Variants in PHKB observed in about 807,000 individuals in gnomAD.
PHKB encodes phosphorylase kinase regulatory subunit beta, also known as phosphorylase b kinase regulatory subunit beta.
In PHKB, 122 loss-of-function variants were observed where a neutral mutation model predicts 152.1. That is an observed-to-expected ratio of 0.80 (90% CI 0.69 to 0.93). PHKB has a LOEUF of 0.93. Ranked by LOEUF, PHKB falls within the 40% of genes least tolerant of loss-of-function variation. The pLI is 0.00. For synonymous variants in PHKB, 436 were observed against 464.9 expected, an observed-to-expected ratio of 0.94 and a Z score of 0.80; for missense variants, 1,304 against 1,328.4, an observed-to-expected ratio of 0.98 and a Z score of 0.29.
chr16:47,577,760 C>A (rs914920927), intron 7 of PHKB, among the ~76,000 whole-genome samples: 1 of 152,128 alleles, frequency 6.6e-6, no homozygotes, highest in African/African-American at 2.4e-5. Flanking sequence ...AATGTGTTAT[C>A]TCTGGCTACT....
chr16:47,486,220 G>T (rs1567275274), intron 1 of PHKB, among the ~76,000 whole-genome samples: 1 of 152,080 alleles, frequency 6.6e-6, no homozygotes, highest in Admixed American at 6.5e-5. Context: ...AACTGCTGTG[G>T]GAATTAAAGA....
At position 47,663,688 on chromosome 16, in the gene PHKB, G is replaced by T; in HGVS notation, c.2290G>T (p.Asp764Tyr). Reference sequence around the variant, plus strand: ...TATCCAATGTCTAGGTACCGTTTCTGATCACATTGAGAGAGTCTATAGAAG... The same window carrying T: ...TATCCAATGTCTAGGTACCGTTTCTTATCACATTGAGAGAGTCTATAGAAG... ...NFITKEGTVS[D>Y]HIERVYRRAG... Residue 764 changes from aspartate (D) to tyrosine (Y), a missense_variant, in exon 24 of 31, where the codon GAT (aspartate) becomes TAT (tyrosine). By Grantham distance (160) the Asp-to-Tyr change is radical. Coordinates refer to ENST00000323584, the MANE Select transcript of PHKB (RefSeq NM_000293.3). The T allele has an allele frequency of 6.2e-7, 1 of 1,612,788 alleles. No homozygotes were observed. Among genetic ancestry groups the T allele is most frequent in the Non-Finnish European group, 8.5e-7 (1 of 1,178,944 alleles).
chr16:47,545,035 G>C (rs1400015045), intron 6 of PHKB, among the ~76,000 whole-genome samples: 1 of 152,104 alleles, frequency 6.6e-6, no homozygotes, highest in African/African-American at 2.4e-5. Flanking sequence ...GATGAGTCTT[G>C]ACTCTTTATC....
chr16:47,535,469 T>A lies in PHKB; in HGVS notation c.595-11964T>A, dbSNP rs987134219. 1.8e-4 allele frequency among the ~76,000 whole-genome samples: 27 copies of A among 152,206 alleles called. 1 individual carries two copies. The highest frequency in any genetic ancestry group is 1.7e-3 in the Admixed American group (26 of 15,288). On this transcript the variant is annotated intron_variant, in intron 6 of 30. Transcript: ENST00000323584. ...CAAATTATATTACCATAGATGTTTT[T>A]AGGAGCCTATCCCTCAGAATTGAGG...
rs190009628 is a variant in PHKB, at chr16:47,623,303, C to A, written c.1458+12383C>A. 7.6e-4 allele frequency among the ~76,000 whole-genome samples: 115 copies of A among 151,912 alleles called. 2 individuals are homozygous for A. Among genetic ancestry groups the A allele is most frequent in the African/African-American group, 2.6e-3 (106 of 41,466 alleles). On this transcript the variant is annotated intron_variant, in intron 14 of 30. Transcript: ENST00000323584. Reference sequence around the variant, plus strand: ...TCTCATTAAAGAGATGAGAAAAAATCCTAAAAAGTCTAGAGGAAAACATTA... The same window carrying A: ...TCTCATTAAAGAGATGAGAAAAAATACTAAAAAGTCTAGAGGAAAACATTA...
In PHKB at chr16:47,594,197, T is replaced by C; in HGVS notation, c.1187T>C (p.Leu396Pro). The C allele has an allele frequency of 6.4e-7, 1 of 1,554,358 alleles. No individual in the cohort carries two copies. Among genetic ancestry groups the C allele is most frequent in the Admixed American group, 1.7e-5 (1 of 59,860 alleles). ...QEYQDLLTPVLHHTTEGYPVV... is the reference protein window; with the variant it reads ...QEYQDLLTPVPHHTTEGYPVV... Reference sequence around the variant, plus strand: ...TATCAGGATCTTTTGACTCCAGTACTTCATCATACCACAGAAGGTATAGTT... The same window carrying C: ...TATCAGGATCTTTTGACTCCAGTACCTCATCATACCACAGAAGGTATAGTT... Residue 396 changes from leucine (L) to proline (P), a missense_variant, in exon 12 of 31, where the codon CTT (leucine) becomes CCT (proline). Physicochemically the swap from Leu to Pro is moderately conservative, Grantham distance 98. Transcript: ENST00000323584.
intron 6 of PHKB, among the ~76,000 whole-genome samples, chr16:47,538,862 G>A (rs1231616686): frequency 6.6e-6 from 1 of 152,064 alleles, no homozygotes; most frequent in Admixed American, 6.6e-5. Context: ...TCTCACCTTG[G>A]CTTTCTGTGT....
intron 7 of PHKB, among the ~76,000 whole-genome samples, chr16:47,548,902 T>C (rs185717100): frequency 6.6e-6 from 1 of 152,334 alleles, no homozygotes; most frequent in East Asian, 1.9e-4. Flanking sequence ...ATGTGTAGCA[T>C]AAGAACTAGA....
At chr16:47,604,575 A>G (rs1271833857) in intron 13 of PHKB, among the ~76,000 whole-genome samples, 1 of 152,210 alleles carries the variant, frequency 6.6e-6, no homozygotes, top group Admixed American at 6.5e-5. Flanking sequence ...TTTGAAGTAC[A>G]TAATTTTACC....
chr16:47,536,843 G>A (rs1970960343), intron 6 of PHKB, among the ~76,000 whole-genome samples: 1 of 152,196 alleles, frequency 6.6e-6, no homozygotes, highest in African/African-American at 2.4e-5. Context: ...ATTAAGAGCC[G>A]TGGTCTTGGC....
chr16:47,584,079 CT>C (rs1160965208), intron 8 of PHKB, among the ~76,000 whole-genome samples: 2 of 151,042 alleles, frequency 1.3e-5, no homozygotes, highest in East Asian at 3.9e-4. Context: ...CACTTTAAAT[CT>C]TTTTCTGAAA....
At chr16:47,625,501 A>G (rs983156431) in intron 14 of PHKB, among the ~76,000 whole-genome samples, 4 of 151,858 alleles carry the variant, frequency 2.6e-5, no homozygotes, top group African/African-American at 7.3e-5. Context: ...GTCTCCTCTT[A>G]GTTTCTCCAG....
At chr16:47,626,804 A>G (rs1244752817) in intron 14 of PHKB, among the ~76,000 whole-genome samples, 3 of 152,160 alleles carry the variant, frequency 2.0e-5, no homozygotes, top group Non-Finnish European at 4.4e-5. Context: ...AGCATATAAA[A>G]TAGTTGTGCT....
intron 18 of PHKB, among the ~76,000 whole-genome samples, chr16:47,649,835 G>A (rs992175350): frequency 1.3e-5 from 2 of 152,192 alleles, no homozygotes; most frequent in African/African-American, 4.8e-5. Flanking sequence ...ACTAAGAATA[G>A]TGCCTGGCAT....
chr16:47,698,535 G>T lies in PHKB; in HGVS notation c.3091G>T (p.Ala1031Ser). 1 of 1,580,280 alleles carries T rather than the reference G, an allele frequency of 6.3e-7. No individual in the cohort carries two copies. Among genetic ancestry groups the T allele is most frequent in the Non-Finnish European group, 8.6e-7 (1 of 1,159,852 alleles). ...AGATCTAGACAGACTGGTCAAAGAA[G>T]CATTTAATGAATTTCAAAAAGATCA... ...KVDLDRLVKE[A>S]FNEFQKDQSR... The change falls in exon 30 of 31, where the codon GCA becomes TCA. Residue 1031 changes from alanine to serine, a missense_variant. Ala to Ser is a moderately conservative substitution (Grantham distance 99, BLOSUM62 1). Transcript: ENST00000323584.
intron 14 of PHKB, among the ~76,000 whole-genome samples, chr16:47,625,464 C>G (rs1428691557): frequency 1.3e-5 from 2 of 152,136 alleles, no homozygotes; most frequent in African/African-American, 4.8e-5. Flanking sequence ...CACTCTTTTG[C>G]TTGCCTGTTA....
chr16:47,559,978 C>G (rs1473940258), intron 7 of PHKB, among the ~76,000 whole-genome samples: 2 of 152,160 alleles, frequency 1.3e-5, no homozygotes, highest in Non-Finnish European at 2.9e-5. Context: ...GCTAACAGTA[C>G]CATATGAATT....
intron 7 of PHKB, among the ~76,000 whole-genome samples, chr16:47,574,770 C>G (rs568368972): frequency 1.3e-5 from 2 of 152,188 alleles, no homozygotes; most frequent in Non-Finnish European, 2.9e-5. Flanking sequence ...AGGATCCTGA[C>G]ACCTCCCACC....
intron 27 of PHKB, 95 bp from the exon 28 acceptor site, chr16:47,693,283 T>C (rs1974093493): frequency 5.5e-6 from 7 of 1,279,214 alleles, no homozygotes; most frequent in Non-Finnish European, 6.8e-6. Context: ...CTTTTATTTC[T>C]TACCCTATCA....
Sources: gnomAD v4.1 joint callset for allele counts (sites outside exome capture counted in the v4.1 genomes callset) on GRCh38, gnomAD v4.1.1 for gene constraint, MANE v1.5 for transcripts, NCBI Gene and HGNC (gene_info 2026-07-23, HGNC 2026-07-21) for gene names.